TSPAN11: variants seen among roughly 807,000 people sequenced by gnomAD.
The protein encoded by TSPAN11 is tetraspanin-11.
Under a neutral mutation model 32.9 loss-of-function variants are expected in TSPAN11, and 29 were observed. The ratio of observed to expected loss-of-function variants is 0.88; its 90% CI spans 0.66 to 1.20. The LOEUF is 1.20. Among genes scored for constraint, TSPAN11 ranks in the 50% most tolerant of loss-of-function variants. The probability of loss-of-function intolerance (pLI) is 0.00; values close to 1 mark genes in which losing one functional copy is unlikely to be tolerated. For synonymous variants in TSPAN11, 140 were observed against 141.3 expected, an observed-to-expected ratio of 0.99 and a Z score of 0.07; for missense variants, 283 against 329.1, an observed-to-expected ratio of 0.86 and a Z score of 1.08.
At chr12:30,941,426 T>G (rs1446838408) in intron 1 of TSPAN11, among the ~76,000 whole-genome samples, 6 of 152,124 alleles carry the variant, frequency 3.9e-5, no homozygotes, top group African/African-American at 1.4e-4. Flanking sequence ...GCAGAAATGG[T>G]CCGAAACTAC....
At chr12:31,002,502 C>T in the TSPAN11 span, among the ~76,000 whole-genome samples, 1 of 152,188 alleles carries the variant, frequency 6.6e-6, no homozygotes, top group East Asian at 1.9e-4. The surrounding 1 kb of genome is among the most constrained non-coding windows in gnomAD (Gnocchi z 4.8). Context: ...CAACCAAGGC[C>T]ACTGCGAGAC....
intron 3 of TSPAN11, 190 bp from the exon 4 acceptor site, chr12:30,978,371 G>T: frequency 1.6e-6 from 1 of 619,542 alleles, no homozygotes; most frequent in Non-Finnish European, 2.9e-6. Flanking sequence ...ATTGTCAGCA[G>T]ACCAAAGAGG....
chr12:30,966,227 G>C (rs752520249), intron 3 of TSPAN11, among the ~76,000 whole-genome samples: 1 of 152,042 alleles, frequency 6.6e-6, no homozygotes, highest in Non-Finnish European at 1.5e-5. Context: ...TTGGGGGTCA[G>C]GGTAGAGCCA....
chr12:30,981,166 C>T (rs962871050), intron 5 of TSPAN11, among the ~76,000 whole-genome samples: 2 of 152,170 alleles, frequency 1.3e-5, no homozygotes, highest in Non-Finnish European at 2.9e-5. Flanking sequence ...CATGTGGACA[C>T]GGCCCTCACA....
downstream of TSPAN11, among the ~76,000 whole-genome samples, chr12:31,000,669 G>A (rs1006640536): frequency 6.6e-5 from 10 of 152,318 alleles, no homozygotes; most frequent in East Asian, 1.9e-4. Flanking sequence ...CATGTCTAAC[G>A]GTGAAAGTTC....
At chr12:31,007,495 C>A in the TSPAN11 span, among the ~76,000 whole-genome samples, 1 of 152,078 alleles carries the variant, frequency 6.6e-6, no homozygotes, top group African/African-American at 2.4e-5. Context: ...CCCATCATAT[C>A]CCCTGGCTAT....
chr12:30,966,904 G>C (rs1344612367), intron 3 of TSPAN11, among the ~76,000 whole-genome samples: 1 of 152,260 alleles, frequency 6.6e-6, no homozygotes, highest in African/African-American at 2.4e-5. Context: ...ACCTGGGTCA[G>C]AGTATATTCA....
chr12:31,006,597 G>T, the TSPAN11 span, among the ~76,000 whole-genome samples: 1 of 152,314 alleles, frequency 6.6e-6, no homozygotes, highest in African/African-American at 2.4e-5. Flanking sequence ...ATCCTGTCTG[G>T]GCCCTGCCCT....
the TSPAN11 span, among the ~76,000 whole-genome samples, chr12:31,003,479 G>T: frequency 1.3e-5 from 2 of 152,214 alleles, no homozygotes; most frequent in African/African-American, 4.8e-5. Context: ...TGCAGCAAAG[G>T]CTCCAGGGCC....
intron 7 of TSPAN11, among the ~76,000 whole-genome samples, chr12:30,986,343 T>C (rs1939200137): frequency 6.6e-6 from 1 of 152,232 alleles, no homozygotes. Context: ...GCCCTTAGTG[T>C]CCTTACCTGT....
chr12:30,965,025 G>A (rs534575439), intron 3 of TSPAN11, among the ~76,000 whole-genome samples: 4 of 152,296 alleles, frequency 2.6e-5, no homozygotes, highest in Non-Finnish European at 4.4e-5. Context: ...GATGCAGGTC[G>A]GTCAACTGAG....
intron 7 of TSPAN11, among the ~76,000 whole-genome samples, chr12:30,984,694 G>T (rs1939166671): frequency 6.6e-6 from 1 of 151,668 alleles, no homozygotes; most frequent in African/African-American, 2.4e-5. Context: ...AAGTAGCTGG[G>T]ATTACAGGTG....
At chr12:30,968,568 G>A (rs1229992577) in intron 3 of TSPAN11, among the ~76,000 whole-genome samples, 2 of 152,184 alleles carry the variant, frequency 1.3e-5, no homozygotes, top group African/African-American at 2.4e-5. Flanking sequence ...GGCCATCTGA[G>A]CCTATGGTCA....
intron 2 of TSPAN11, among the ~76,000 whole-genome samples, chr12:30,955,531 T>A (rs1228214985): frequency 6.6e-6 from 1 of 152,242 alleles, no homozygotes; most frequent in Non-Finnish European, 1.5e-5. Context: ...TGTTCTTATC[T>A]CATTAAGTTC....
At chr12:30,932,951 G>T (rs1401625314) in intron 1 of TSPAN11, among the ~76,000 whole-genome samples, 1 of 152,194 alleles carries the variant, frequency 6.6e-6, no homozygotes, top group Non-Finnish European at 1.5e-5. Flanking sequence ...CTGATTCCCA[G>T]TGGGCAGGTT....
Position 30,927,105 on chromosome 12 carries a change from G to C in TSPAN11, c.-12+309G>C, listed in dbSNP as rs564535453. On this transcript the variant is annotated intron_variant, in intron 1 of 7. Coordinates refer to ENST00000546076, the MANE Select transcript of TSPAN11 (RefSeq NM_001370302.1). The stretch of plus-strand genomic sequence containing the variant: ...CCTTGGGAGAGAGCTCTGGGCCTCT[G>C]AGGGCCTCGTGCCGTCCAGCGTGCC... 1.1e-4 allele frequency: 122 copies of C among 1,157,890 alleles called. 1 individual carries two copies. In the African/African-American group the frequency reaches 1.8e-3, roughly 17 times the overall value. 71.7% of individuals were successfully genotyped at this position (1,157,890 alleles called of 1,614,324 possible).
At chr12:30,969,526 G>A (rs1323396730) in intron 3 of TSPAN11, among the ~76,000 whole-genome samples, 6 of 152,198 alleles carry the variant, frequency 3.9e-5, no homozygotes, top group Non-Finnish European at 7.3e-5. Flanking sequence ...TGGGAAGCAG[G>A]ATGCAAACAT....
chr12:30,982,608 G>A lies in TSPAN11; in HGVS notation c.533G>A (p.Arg178His), dbSNP rs753944071. The change falls in exon 6 of 8, where the codon CGC becomes CAC. Residue 178 changes from arginine (R) to histidine (H), a missense_variant. Transcript: ENST00000546076. ...ATCCTGTTGCGGGAGGCCGAGGGCC[G>A]CCAGGTGCCCGACAGCTGCTGCAAG... ...TYILLREAEG[R>H]QVPDSCCKTV... The A allele has an allele frequency of 2.5e-5, 41 of 1,612,574 alleles. No homozygotes were observed. Among genetic ancestry groups the A allele is most frequent in the Non-Finnish European group, 2.9e-5 (34 of 1,179,716 alleles).
At chr12:30,945,072 C>G (rs1382351519) in intron 1 of TSPAN11, among the ~76,000 whole-genome samples, 2 of 152,180 alleles carry the variant, frequency 1.3e-5, no homozygotes, top group East Asian at 3.9e-4. Flanking sequence ...TCCCCCAGGC[C>G]TTTGCTCACA....
Sources: gnomAD v4.1 joint callset for allele counts (sites outside exome capture counted in the v4.1 genomes callset) on GRCh38, gnomAD v4.1.1 for gene constraint, Gnocchi (gnomAD v3.1) non-coding constraint, MANE v1.5 for transcripts, NCBI Gene and HGNC (gene_info 2026-07-23, HGNC 2026-07-21) for gene names.